CACNA2D3: variants seen among roughly 807,000 people sequenced by gnomAD.
CACNA2D3 encodes the protein voltage-dependent calcium channel subunit alpha-2/delta-3.
CACNA2D3 carries 60 observed loss-of-function variants against 160.6 expected under a neutral mutation model. The observed-to-expected ratio is 0.37, with a 90% CI of 0.30 to 0.46. The LOEUF (loss-of-function observed/expected upper bound fraction) is 0.46. Ranked by LOEUF, CACNA2D3 falls within the 20% of genes least tolerant of loss-of-function variation. The pLI, the probability that CACNA2D3 is intolerant of heterozygous loss-of-function variation, is 1.00. For synonymous variants in CACNA2D3, 558 were observed against 492.9 expected (o/e 1.13, Z -1.75); for missense variants, 1,205 against 1,365.0 (o/e 0.88, Z 1.85).
At chr3:54,137,764 C>G (rs1699844890) in intron 2 of CACNA2D3, among the ~76,000 whole-genome samples, 1 of 149,442 alleles carries the variant, frequency 6.7e-6, no homozygotes, top group Non-Finnish European at 1.5e-5. Context: ...CTGTTGTACT[C>G]TATTCTACAC....
In CACNA2D3 at chr3:54,589,683, T is replaced by C. The variant is rs1008686331; in HGVS notation, c.963+7806T>C. On this transcript the variant is annotated intron_variant, in intron 9 of 37. Coordinates refer to ENST00000474759, the MANE Select transcript of CACNA2D3 (RefSeq NM_018398.3). ...CATGTCCACAAATATATAGAGAATA[T>C]ATAAGTAATTCTTAAAACTCAACAA... Among the ~76,000 whole-genome samples, 3 of 152,230 alleles carry C rather than the reference T, an allele frequency of 2.0e-5. No homozygotes were observed. The Middle Eastern group carries it at 0.01, about 518-fold the overall frequency.
At chr3:54,921,867 G>A (rs1700860866) in intron 27 of CACNA2D3, among the ~76,000 whole-genome samples, 1 of 150,944 alleles carries the variant, frequency 6.6e-6, no homozygotes, top group Admixed American at 6.6e-5. Flanking sequence ...TGTTATGTCG[G>A]TTAGCCTGCC....
At chr3:54,679,547 C>T (rs1232678060) in intron 11 of CACNA2D3, among the ~76,000 whole-genome samples, 1 of 152,146 alleles carries the variant, frequency 6.6e-6, no homozygotes, top group Non-Finnish European at 1.5e-5. Context: ...GGCCTCCATT[C>T]TTTGTGCAAT....
At chr3:54,371,160 G>C (rs1698919991) in intron 3 of CACNA2D3, among the ~76,000 whole-genome samples, 1 of 152,098 alleles carries the variant, frequency 6.6e-6, no homozygotes, top group African/African-American at 2.4e-5. Context: ...TGTAATGATT[G>C]ATGCTGCTTT....
chr3:55,073,930 A>G, intron 37 of CACNA2D3, 71 bp downstream of exon 37: 1 of 1,314,822 alleles, frequency 7.6e-7, no homozygotes, highest in Non-Finnish European at 1.1e-6. Flanking sequence ...CTGGTCAAAG[A>G]ACTACAGCTG....
chr3:54,607,542 A>G (rs1698660826), intron 9 of CACNA2D3, among the ~76,000 whole-genome samples: 1 of 152,108 alleles, frequency 6.6e-6, no homozygotes, highest in East Asian at 1.9e-4. Context: ...CAATAGCCAG[A>G]GTAAAAAAAA....
At chr3:54,860,800 T>C (rs577046317) in intron 17 of CACNA2D3, among the ~76,000 whole-genome samples, 1 of 152,286 alleles carries the variant, frequency 6.6e-6, no homozygotes, top group African/African-American at 2.4e-5. Context: ...CTGAAATTCA[T>C]CCAAGCTACT....
intron 14 of CACNA2D3, among the ~76,000 whole-genome samples, chr3:54,829,980 T>G (rs1462944706): frequency 7.9e-6 from 1 of 126,768 alleles, no homozygotes; most frequent in Non-Finnish European, 1.6e-5. Flanking sequence ...CTGCAACCTC[T>G]GCCTCCCAGG....
intron 21 of CACNA2D3, among the ~76,000 whole-genome samples, chr3:54,884,932 CTT>C (rs892441142): frequency 5.9e-5 from 9 of 152,178 alleles, no homozygotes; most frequent in Non-Finnish European, 1.3e-4. Flanking sequence ...CGGTTCCCAA[CTT>C]AGACTAAATG....
In CACNA2D3 at chr3:54,631,203, A is replaced by AACACACACACACACAC. The variant is rs67944483; in HGVS notation, c.1053+3345_1053+3360dup. ...TGGGTGACAGAGCGAGACTCCATCAAACACACACACACACACACACACACA... is the reference window on the plus strand; with the variant it reads ...TGGGTGACAGAGCGAGACTCCATCAAACACACACACACACACACACACACACACACACACACACACA... On this transcript the variant is annotated intron_variant, in intron 10 of 37. Transcript: ENST00000474759. Among the ~76,000 whole-genome samples, 865 of 145,852 alleles carry AACACACACACACACAC rather than the reference A, an allele frequency of 5.9e-3. 10 individuals carry two copies. Among genetic ancestry groups the AACACACACACACACAC allele is most frequent in the African/African-American group, 0.02 (785 of 38,782 alleles).
At chr3:55,025,762 G>C (rs1249214852) in intron 35 of CACNA2D3, among the ~76,000 whole-genome samples, 1 of 151,950 alleles carries the variant, frequency 6.6e-6, no homozygotes, top group African/African-American at 2.4e-5. Context: ...GTAGTAAGTG[G>C]AGTAAAGCTT....
At chr3:54,286,120 C>G (rs1703016388) in intron 2 of CACNA2D3, among the ~76,000 whole-genome samples, 1 of 152,132 alleles carries the variant, frequency 6.6e-6, no homozygotes, top group Admixed American at 6.6e-5. Context: ...TTCAGACGAT[C>G]AAACTACTCC....
intron 11 of CACNA2D3, among the ~76,000 whole-genome samples, chr3:54,693,455 C>G (rs1395166311): frequency 1.3e-5 from 2 of 152,194 alleles, no homozygotes; most frequent in African/African-American, 4.8e-5. Flanking sequence ...GTATAGCACA[C>G]ACAATTATGT....
intron 27 of CACNA2D3, among the ~76,000 whole-genome samples, chr3:54,954,794 T>C (rs1168859031): frequency 4.6e-5 from 7 of 152,150 alleles, no homozygotes; most frequent in Admixed American, 4.6e-4. Flanking sequence ...CATGGAATGC[T>C]TTAGCTGAGG....
intron 3 of CACNA2D3, among the ~76,000 whole-genome samples, chr3:54,369,085 A>G (rs908155608): frequency 3.3e-5 from 5 of 152,118 alleles, no homozygotes; most frequent in African/African-American, 9.7e-5. Flanking sequence ...AGCTTAATTA[A>G]TAGAATTGAA....
At chr3:55,038,344 A>G (rs1470527602) in intron 35 of CACNA2D3, among the ~76,000 whole-genome samples, 1 of 152,170 alleles carries the variant, frequency 6.6e-6, no homozygotes, top group East Asian at 1.9e-4. Context: ...TGGGTTTTCT[A>G]TGGAATAATA....
chr3:54,538,433 TGA>T (rs1369677123), intron 5 of CACNA2D3, among the ~76,000 whole-genome samples: 8 of 152,160 alleles, frequency 5.3e-5, no homozygotes, highest in Non-Finnish European at 7.4e-5. Flanking sequence ...CATCCGTTCA[TGA>T]AGGAAGCTGT....
intron 2 of CACNA2D3, among the ~76,000 whole-genome samples, chr3:54,160,217 G>C (rs1054393418): frequency 1.3e-5 from 2 of 152,194 alleles, no homozygotes; most frequent in East Asian, 1.9e-4. Context: ...GTATTGCTGG[G>C]GCCGGGTGCA....
intron 11 of CACNA2D3, among the ~76,000 whole-genome samples, chr3:54,667,043 T>A (rs971552945): frequency 6.6e-6 from 1 of 152,180 alleles, no homozygotes; most frequent in African/African-American, 2.4e-5. Context: ...AAAAGTTAAT[T>A]CCTTCATGTT....
Sources: allele counts gnomAD v4.1 joint callset (sites outside exome capture counted in the v4.1 genomes callset), GRCh38; gene constraint gnomAD v4.1.1; transcripts MANE v1.5; gene names NCBI Gene and HGNC (gene_info 2026-07-23, HGNC 2026-07-21).